The following RFX3 variants were observed in gnomAD, a reference collection of about 807,000 sequenced individuals.
The protein encoded by RFX3 is regulatory factor X3.
A neutral mutation model predicts 98.6 loss-of-function variants in RFX3; 14 were observed. That is an observed-to-expected ratio of 0.14 (90% CI 0.09 to 0.22). The LOEUF (loss-of-function observed/expected upper bound fraction) is 0.22, where lower values mean the gene tolerates loss of function less well. RFX3 is among the 10% of genes least tolerant of loss of function. The pLI, the probability that RFX3 is intolerant of heterozygous loss-of-function variation, is 1.00. For missense variants in RFX3, 639 were observed against 926.9 expected, an observed-to-expected ratio of 0.69 and a Z score of 4.03; for synonymous variants, 383 against 328.4, an observed-to-expected ratio of 1.17 and a Z score of -1.80.
At chr9:3,333,632 AAT>A (rs1832844225) in intron 3 of RFX3, among the ~76,000 whole-genome samples, 1 of 152,160 alleles carries the variant, frequency 6.6e-6, no homozygotes. Context: ...TTGTCTACCG[AAT>A]ATGACAGTGG....
chr9:3,426,606 G>A lies in RFX3; in HGVS notation c.-8-31010C>T, dbSNP rs1402200499. ...CCCCATTGCCCACATTACTGCCTGA[G>A]CTCTGCCTCCTGTCAGAGCAGCGGC... On this transcript the variant is annotated intron_variant, in intron 1 of 16. Coordinates refer to ENST00000617270, the MANE Select transcript of RFX3 (RefSeq NM_001282116.2). Among the ~76,000 whole-genome samples the A allele has an allele frequency of 2.0e-5, 3 of 152,208 alleles. No individual in the cohort carries two copies. The East Asian group carries it at 5.8e-4, about 29-fold the overall frequency.
At chr9:3,474,401 A>G (rs1849042842) in intron 1 of RFX3, among the ~76,000 whole-genome samples, 1 of 152,204 alleles carries the variant, frequency 6.6e-6, no homozygotes, top group South Asian at 2.1e-4. Flanking sequence ...CCCTTGTCAA[A>G]TACAGACTAT....
At chr9:3,394,001 C>T (rs1306708260) in intron 2 of RFX3, among the ~76,000 whole-genome samples, 1 of 151,986 alleles carries the variant, frequency 6.6e-6, no homozygotes, top group Non-Finnish European at 1.5e-5. Flanking sequence ...AGAGAATATG[C>T]TTAAAAGAAA....
rs1836102773 is a variant in RFX3, at chr9:3,359,017, G to C, written c.118-12253C>G. On this transcript the variant is annotated intron_variant, in intron 2 of 16. Transcript: ENST00000617270. Reference sequence around the variant, plus strand: ...ATTATTACAATTCAAGGTGAGATTTGAGTAGGGACACAGAGCCCACCCATA... The same window carrying C: ...ATTATTACAATTCAAGGTGAGATTTCAGTAGGGACACAGAGCCCACCCATA... Among the ~76,000 whole-genome samples, 3 of 151,794 alleles carry C rather than the reference G, an allele frequency of 2.0e-5. No individual in the cohort carries two copies. In the South Asian group the frequency reaches 6.3e-4, roughly 32 times the overall value.
In RFX3 at chr9:3,427,827, G is replaced by A. The variant is rs181898563; in HGVS notation, c.-8-32231C>T. ...GCAGTTCATCACTCAGCCATGACTT[G>A]AAGGGAACCCATATTCAGAATTCTG... On this transcript the variant is annotated intron_variant, in intron 1 of 16. Transcript: ENST00000617270. 2.8e-3 allele frequency among the ~76,000 whole-genome samples: 428 copies of A among 152,176 alleles called. 4 individuals are homozygous for A. Among genetic ancestry groups the A allele is most frequent in the African/African-American group, 9.8e-3 (405 of 41,502 alleles).
At chr9:3,260,343 G>C (rs1299255092) in intron 13 of RFX3, among the ~76,000 whole-genome samples, 1 of 151,884 alleles carries the variant, frequency 6.6e-6, no homozygotes, top group East Asian at 1.9e-4. Flanking sequence ...TCGTACAGTA[G>C]ACATATCACT....
intron 3 of RFX3, among the ~76,000 whole-genome samples, chr9:3,331,388 G>A: frequency 6.6e-6 from 1 of 151,984 alleles, no homozygotes; most frequent in East Asian, 1.9e-4. Context: ...AATTTTAAGA[G>A]GATCTTTTTA....
At chr9:3,276,422 G>T (rs912789812) in intron 8 of RFX3, among the ~76,000 whole-genome samples, 2 of 152,058 alleles carry the variant, frequency 1.3e-5, no homozygotes, top group African/African-American at 4.8e-5. Flanking sequence ...TACAAATATG[G>T]AAACTAAAAT....
chr9:3,271,115 T>C lies in RFX3; in HGVS notation c.1090A>G (p.Ile364Val). ...QSLYREHCEA[I>V]LDVVVNLQFS... ...TGAAGATTCACAACAACGTCCAATA[T>C]TGCCTAAAAAACAAAATGGTACCAG... The change falls in exon 10 of 17, where the codon ATA becomes GTA. Residue 364 changes from isoleucine (I) to valine (V), a missense_variant. Transcript: ENST00000617270. 1 of 1,613,504 alleles carries C rather than the reference T, an allele frequency of 6.2e-7. No homozygotes were observed. The highest frequency in any genetic ancestry group is 8.5e-7 in the Non-Finnish European group (1 of 1,179,614).
chr9:3,361,659 A>AG (rs1171366487), intron 2 of RFX3, among the ~76,000 whole-genome samples: 1 of 120,024 alleles, frequency 8.3e-6, no homozygotes, highest in African/African-American at 4.0e-5. Context: ...TTGTTTCTTT[A>AG]GGAAAAAAAA....
rs756198890 is a variant in RFX3 at position 3,271,092 on chromosome 9, A to G, written c.1113T>C (p.Leu371=). The change falls in exon 10 of 17, where the codon CTT becomes CTC. Residue 371 remains leucine (L), a synonymous_variant. Transcript: ENST00000617270. ...ACAATTTTTCTATCAGGCTAAATTG[A>G]AGATTCACAACAACGTCCAATATTG... ...CEAILDVVVN[L]QFSLIEKLWQ... The G allele has an allele frequency of 1.9e-6, 3 of 1,613,708 alleles. No homozygotes were observed. In the East Asian group the frequency reaches 6.7e-5, roughly 36 times the overall value.
intron 14 of RFX3, among the ~76,000 whole-genome samples, chr9:3,255,556 T>C (rs1274471868): frequency 6.6e-6 from 1 of 152,222 alleles, no homozygotes; most frequent in Non-Finnish European, 1.5e-5. Context: ...TGGGGCCAGC[T>C]TTATCTAAAG....
At chr9:3,363,158 TG>T (rs1243657119) in intron 2 of RFX3, among the ~76,000 whole-genome samples, 1 of 152,172 alleles carries the variant, frequency 6.6e-6, no homozygotes, top group African/African-American at 2.4e-5. Context: ...AATAATACTG[TG>T]GTGACCAGAA....
intron 4 of RFX3, among the ~76,000 whole-genome samples, chr9:3,324,389 T>C (rs1353424103): frequency 6.6e-6 from 1 of 152,116 alleles, no homozygotes; most frequent in Non-Finnish European, 1.5e-5. Context: ...TGTCTCGATG[T>C]AGTCATAACC....
chr9:3,455,153 T>C (rs10972128), intron 1 of RFX3, among the ~76,000 whole-genome samples: 1 of 152,170 alleles, frequency 6.6e-6, no homozygotes, highest in South Asian at 2.1e-4. Flanking sequence ...GACCAGCAAA[T>C]GTTTTTCACT....
intron 10 of RFX3, 74 bp downstream of exon 10, chr9:3,270,929 T>C (rs1824347326): frequency 3.7e-6 from 6 of 1,602,334 alleles, no homozygotes; most frequent in Non-Finnish European, 5.1e-6. Context: ...ACAACTGGTA[T>C]ACATATCTCT....
intron 1 of RFX3, among the ~76,000 whole-genome samples, chr9:3,505,469 T>C (rs145103788): frequency 0.15 from 585 of 3,910 alleles, 18 homozygotes; most frequent in African/African-American, 0.26. Flanking sequence ...AAATAAAATA[T>C]TTTATATTTA....
At chr9:3,232,211 C>G (rs961529183) in intron 15 of RFX3, among the ~76,000 whole-genome samples, 1 of 152,194 alleles carries the variant, frequency 6.6e-6, no homozygotes, top group Non-Finnish European at 1.5e-5. Context: ...AATTTCTCCT[C>G]TTGCACAAAG....
chr9:3,324,422 A>G (rs540792052), intron 4 of RFX3, among the ~76,000 whole-genome samples: 13 of 151,980 alleles, frequency 8.6e-5, no homozygotes, highest in African/African-American at 1.7e-4. Context: ...TTATTTCAAC[A>G]TTTTTTCCTC....
Sources: allele counts gnomAD v4.1 joint callset (sites outside exome capture counted in the v4.1 genomes callset), GRCh38; gene constraint gnomAD v4.1.1; transcripts MANE v1.5; gene names NCBI Gene and HGNC (gene_info 2026-07-23, HGNC 2026-07-21).